Variants in BRINP3 observed in about 807,000 individuals in gnomAD.
The protein encoded by BRINP3 is BMP/retinoic acid-inducible neural-specific protein 3.
A neutral mutation model predicts 71.0 loss-of-function variants in BRINP3; 19 were observed. That is an observed-to-expected ratio of 0.27 (90% CI 0.19 to 0.39). The LOEUF (loss-of-function observed/expected upper bound fraction) is 0.39. BRINP3 is among the 10% of genes least tolerant of loss of function. The pLI is 1.00. For missense variants in BRINP3, 959 were observed against 940.8 expected (o/e 1.02, Z -0.25); for synonymous variants, 380 against 337.7 (o/e 1.13, Z -1.37).
chr1:190,111,256 A>G (rs1652672517), intron 7 of BRINP3, among the ~76,000 whole-genome samples: 1 of 150,006 alleles, frequency 6.7e-6, no homozygotes, highest in African/African-American at 2.5e-5. Flanking sequence ...TTTGGACCCG[A>G]TGGTAATCAC....
At chr1:190,402,316 T>C (rs1671980623) in intron 2 of BRINP3, among the ~76,000 whole-genome samples, 1 of 152,140 alleles carries the variant, frequency 6.6e-6, no homozygotes, top group East Asian at 1.9e-4. Context: ...TCTTCAAAAT[T>C]ATAGAAATAT....
intron 5 of BRINP3, among the ~76,000 whole-genome samples, chr1:190,231,407 T>G (rs559306141): frequency 2.8e-4 from 43 of 151,992 alleles, no homozygotes; most frequent in South Asian, 2.1e-3. Flanking sequence ...TGTGTCAAAT[T>G]CATTTAAATA....
intron 2 of BRINP3, among the ~76,000 whole-genome samples, chr1:190,337,213 A>T (rs1667348367): frequency 6.6e-6 from 1 of 152,036 alleles, no homozygotes; most frequent in African/African-American, 2.4e-5. Flanking sequence ...CCCAGAAAAA[A>T]AACGGATGGA....
At chr1:190,184,566 T>C (rs1653337349) in intron 6 of BRINP3, among the ~76,000 whole-genome samples, 1 of 152,058 alleles carries the variant, frequency 6.6e-6, no homozygotes, top group African/African-American at 2.4e-5. Flanking sequence ...AATAGCAAAA[T>C]CATTTCCTTT....
At chr1:190,312,960 T>G (rs1418542568) in intron 2 of BRINP3, among the ~76,000 whole-genome samples, 1 of 151,914 alleles carries the variant, frequency 6.6e-6, no homozygotes, top group Admixed American at 6.6e-5. Flanking sequence ...GCATTTCAAA[T>G]TCTTCAATGT....
chr1:190,224,595 C>T (rs1465222098), intron 6 of BRINP3, among the ~76,000 whole-genome samples: 1 of 151,700 alleles, frequency 6.6e-6, no homozygotes, highest in Non-Finnish European at 1.5e-5. Flanking sequence ...GTTTGTAAAA[C>T]CTCAACATTA....
At chr1:190,359,891 C>T (rs1253709064) in intron 2 of BRINP3, among the ~76,000 whole-genome samples, 1 of 152,132 alleles carries the variant, frequency 6.6e-6, no homozygotes, top group Non-Finnish European at 1.5e-5. Context: ...CTGTATCCCT[C>T]TAACAGAATA....
chr1:190,269,699 C>T (rs1661945231), intron 3 of BRINP3, among the ~76,000 whole-genome samples: 1 of 151,914 alleles, frequency 6.6e-6, no homozygotes, highest in Non-Finnish European at 1.5e-5. Context: ...AAAGTAATTG[C>T]TATATTACTT....
chr1:190,218,493 T>A (rs1446103315), intron 6 of BRINP3, among the ~76,000 whole-genome samples: 1 of 152,124 alleles, frequency 6.6e-6, no homozygotes, highest in Non-Finnish European at 1.5e-5. Context: ...TAACACTGGA[T>A]GTTATTATAT....
chr1:190,281,535 C>A, intron 3 of BRINP3, 25 bp downstream of exon 3: 1 of 1,605,046 alleles, frequency 6.2e-7, no homozygotes, highest in Non-Finnish European at 8.5e-7. Flanking sequence ...CACACACAGG[C>A]ACAAATAGGT....
intron 2 of BRINP3, among the ~76,000 whole-genome samples, chr1:190,298,776 T>A (rs1221789597): frequency 6.6e-6 from 1 of 152,116 alleles, no homozygotes; most frequent in Admixed American, 6.5e-5. Context: ...TGAAAATGTC[T>A]GTGCATTTGG....
intron 2 of BRINP3, among the ~76,000 whole-genome samples, chr1:190,410,652 CTA>C (rs1488151777): frequency 6.6e-6 from 1 of 151,922 alleles, no homozygotes; most frequent in East Asian, 1.9e-4. Flanking sequence ...GAAAAGAAGA[CTA>C]AATCGTTTTA....
At chr1:190,106,309 T>C (rs1419902679) in intron 7 of BRINP3, among the ~76,000 whole-genome samples, 1 of 151,716 alleles carries the variant, frequency 6.6e-6, no homozygotes, top group Non-Finnish European at 1.5e-5. Context: ...CATATGTTTA[T>C]TTCATAATTT....
intron 2 of BRINP3, among the ~76,000 whole-genome samples, chr1:190,405,448 C>A (rs1203163483): frequency 1.6e-5 from 1 of 63,276 alleles, no homozygotes. Flanking sequence ...GAGACTCCGT[C>A]TCAAAAAAAA....
At chr1:190,155,755 A>T (rs932894312) in intron 7 of BRINP3, among the ~76,000 whole-genome samples, 2 of 151,952 alleles carry the variant, frequency 1.3e-5, no homozygotes, top group Non-Finnish European at 2.9e-5. Flanking sequence ...CTGATGTTTT[A>T]AAAGTATAGC....
intron 7 of BRINP3, among the ~76,000 whole-genome samples, chr1:190,144,038 G>C (rs1032286503): frequency 6.6e-6 from 1 of 152,114 alleles, no homozygotes; most frequent in Non-Finnish European, 1.5e-5. Flanking sequence ...AGAGTATTAA[G>C]GGGAAAATCC....
chr1:190,363,189 C>G (rs545523020), intron 2 of BRINP3, among the ~76,000 whole-genome samples: 1 of 152,042 alleles, frequency 6.6e-6, no homozygotes, highest in Non-Finnish European at 1.5e-5. Context: ...AAGAGCAGAC[C>G]CTGGCCAACA....
chr1:190,107,891 AAAT>A (rs1291450386), intron 7 of BRINP3, among the ~76,000 whole-genome samples: 2 of 152,056 alleles, frequency 1.3e-5, no homozygotes, highest in Non-Finnish European at 2.9e-5. Context: ...ATGATCTGGA[AAAT>A]AATAATCTGA....
intron 6 of BRINP3, among the ~76,000 whole-genome samples, chr1:190,164,735 C>T (rs185517982): frequency 6.6e-6 from 1 of 151,930 alleles, no homozygotes; most frequent in Non-Finnish European, 1.5e-5. Flanking sequence ...GGATTACATG[C>T]CTAGCTAATA....
Sources: gnomAD v4.1 joint callset for allele counts (sites outside exome capture counted in the v4.1 genomes callset) on GRCh38, gnomAD v4.1.1 for gene constraint, MANE v1.5 for transcripts, NCBI Gene and HGNC (gene_info 2026-07-23, HGNC 2026-07-21) for gene names.